The following GALNT17 variants were observed in gnomAD, a reference collection of about 807,000 sequenced individuals.
The protein encoded by GALNT17 is polypeptide N-acetylgalactosaminyltransferase 17.
Under a neutral mutation model 63.7 loss-of-function variants are expected in GALNT17, and 29 were observed. The observed-to-expected ratio is 0.46, with a 90% CI of 0.34 to 0.62. The LOEUF is 0.62. Among genes scored for constraint, GALNT17 ranks in the 20% least tolerant of loss-of-function variants. The probability of loss-of-function intolerance (pLI) is 0.01; values close to 1 mark genes in which losing one functional copy is unlikely to be tolerated. For synonymous variants in GALNT17, 305 were observed against 318.3 expected, an observed-to-expected ratio of 0.96 and a Z score of 0.45; for missense variants, 603 against 799.6, an observed-to-expected ratio of 0.75 and a Z score of 2.97.
chr7:71,312,341 C>T (rs983910957), intron 1 of GALNT17, among the ~76,000 whole-genome samples: 1 of 152,208 alleles, frequency 6.6e-6, no homozygotes, highest in Admixed American at 6.5e-5. Flanking sequence ...TTGGGGCTCA[C>T]CTGCCCTGCA....
chr7:71,410,167 G>T (rs941019363), intron 3 of GALNT17, among the ~76,000 whole-genome samples: 17 of 152,078 alleles, frequency 1.1e-4, no homozygotes, highest in Non-Finnish European at 2.9e-5. Flanking sequence ...AAACTATGAT[G>T]AAACAGGTCA....
At chr7:71,329,757 A>G (rs1336546745) in intron 1 of GALNT17, among the ~76,000 whole-genome samples, 2 of 152,166 alleles carry the variant, frequency 1.3e-5, no homozygotes, top group South Asian at 4.2e-4. Context: ...ATTCGACCCC[A>G]TGATGTAGTC....
At chr7:71,369,126 T>C (rs1190538568) in intron 2 of GALNT17, among the ~76,000 whole-genome samples, 2 of 152,248 alleles carry the variant, frequency 1.3e-5, no homozygotes, top group Non-Finnish European at 1.5e-5. Flanking sequence ...ATACTAGAAC[T>C]CTGTGCTCTG....
chr7:71,333,166 C>T (rs1248249943), intron 1 of GALNT17, among the ~76,000 whole-genome samples: 1 of 152,178 alleles, frequency 6.6e-6, no homozygotes, highest in Non-Finnish European at 1.5e-5. Flanking sequence ...CCCAAGTTCC[C>T]CCTTCCCTAC....
At chr7:71,440,560 G>T (rs553068211) in intron 5 of GALNT17, among the ~76,000 whole-genome samples, 1 of 152,098 alleles carries the variant, frequency 6.6e-6, no homozygotes, top group Admixed American at 6.6e-5. Flanking sequence ...TTTTAGTAGA[G>T]ATGGGGTTTC....
At chr7:71,193,866 G>A (rs1379784833) in intron 1 of GALNT17, among the ~76,000 whole-genome samples, 4 of 152,122 alleles carry the variant, frequency 2.6e-5, no homozygotes, top group East Asian at 1.9e-4. Flanking sequence ...TGTGGTCCAC[G>A]TGCAGTTAAA....
At chr7:71,397,754 T>C (rs1415434459) in intron 3 of GALNT17, among the ~76,000 whole-genome samples, 1 of 152,226 alleles carries the variant, frequency 6.6e-6, no homozygotes, top group Non-Finnish European at 1.5e-5. Context: ...TCTTGGTTTA[T>C]GTTCTTATTT....
At chr7:71,708,013 C>T (rs982578400) in intron 9 of GALNT17, among the ~76,000 whole-genome samples, 4 of 152,190 alleles carry the variant, frequency 2.6e-5, no homozygotes, top group African/African-American at 4.8e-5. Flanking sequence ...AATCATCCAG[C>T]ATTTGTTGTT....
intron 1 of GALNT17, among the ~76,000 whole-genome samples, chr7:71,263,423 A>G (rs1790422538): frequency 2.0e-5 from 3 of 152,318 alleles, no homozygotes; most frequent in South Asian, 4.1e-4. Context: ...TCCAGCCTCC[A>G]GAACGATGAG....
chr7:71,652,850 C>A (rs1004207623), intron 6 of GALNT17, among the ~76,000 whole-genome samples: 1 of 152,174 alleles, frequency 6.6e-6, no homozygotes, highest in Admixed American at 6.5e-5. Context: ...CGCCATAGCT[C>A]GCCCATCTGG....
At chr7:71,223,751 C>T (rs1585893042) in intron 1 of GALNT17, among the ~76,000 whole-genome samples, 2 of 152,050 alleles carry the variant, frequency 1.3e-5, no homozygotes, top group Non-Finnish European at 2.9e-5. Context: ...GTGTGTTGTT[C>T]CCTCTTTGTG....
chr7:71,705,949 T>A (rs1290797207), intron 9 of GALNT17, among the ~76,000 whole-genome samples: 1 of 152,116 alleles, frequency 6.6e-6, no homozygotes. Context: ...TGAGGAGTCA[T>A]GGTAGGTGGA....
intron 1 of GALNT17, among the ~76,000 whole-genome samples, chr7:71,321,662 C>A (rs980285597): frequency 3.0e-5 from 4 of 134,420 alleles, no homozygotes; most frequent in African/African-American, 1.1e-4. Flanking sequence ...GGCTGGAGTG[C>A]AGTGGTGCAA....
chr7:71,154,989 A>G (rs1391601240), intron 1 of GALNT17, among the ~76,000 whole-genome samples: 4 of 151,910 alleles, frequency 2.6e-5, no homozygotes, highest in Non-Finnish European at 5.9e-5. Flanking sequence ...TTTATATGCC[A>G]TGGGTAGACT....
intron 3 of GALNT17, among the ~76,000 whole-genome samples, chr7:71,408,939 T>A (rs967099159): frequency 4.6e-5 from 7 of 151,220 alleles, no homozygotes; most frequent in African/African-American, 9.7e-5. Context: ...TATATGTATT[T>A]TATATATATA....
intron 5 of GALNT17, among the ~76,000 whole-genome samples, chr7:71,456,420 C>A (rs999545469): frequency 6.6e-6 from 1 of 152,020 alleles, no homozygotes; most frequent in Non-Finnish European, 1.5e-5. Flanking sequence ...GAGCCTTGGC[C>A]GGGCGTAGTG....
chr7:71,638,923 A>G (rs907591836), intron 6 of GALNT17, among the ~76,000 whole-genome samples: 1 of 152,152 alleles, frequency 6.6e-6, no homozygotes, highest in African/African-American at 2.4e-5. Context: ...GATGGTTATC[A>G]GAGGCTGGGA....
In GALNT17 at chr7:71,702,956, T is replaced by C. The variant is rs534553849; in HGVS notation, c.1501-7805T>C. Among the ~76,000 whole-genome samples the C allele has an allele frequency of 8.5e-5, 13 of 152,310 alleles. 1 individual carries two copies. The South Asian group carries it at 2.5e-3, about 29-fold the overall frequency. ...ATCAGTTCAGTTGGGTCATCTAAATTTAAAATGCTTATTAGACATCCAAGT... is the reference window on the plus strand; with the variant it reads ...ATCAGTTCAGTTGGGTCATCTAAATCTAAAATGCTTATTAGACATCCAAGT... On this transcript the variant is annotated intron_variant, in intron 9 of 10. Coordinates refer to ENST00000333538, the MANE Select transcript of GALNT17 (RefSeq NM_022479.3).
intron 7 of GALNT17, among the ~76,000 whole-genome samples, chr7:71,666,658 G>A (rs1240617345): frequency 6.6e-6 from 1 of 151,852 alleles, no homozygotes; most frequent in African/African-American, 2.4e-5. Flanking sequence ...TATGATGTTT[G>A]GTTTTCCATT....
Sources: gnomAD v4.1 joint callset for allele counts (sites outside exome capture counted in the v4.1 genomes callset) on GRCh38, gnomAD v4.1.1 for gene constraint, MANE v1.5 for transcripts, NCBI Gene and HGNC (gene_info 2026-07-23, HGNC 2026-07-21) for gene names.